BCO1: variants seen among roughly 807,000 people sequenced by gnomAD.
BCO1 encodes beta,beta-carotene 15,15'-dioxygenase.
BCO1 carries 54 observed loss-of-function variants against 56.3 expected under a neutral mutation model. The ratio of observed to expected loss-of-function variants is 0.96; its 90% CI spans 0.77 to 1.20. The LOEUF is 1.20. BCO1 is among the 50% of genes most tolerant of loss of function. The pLI is 0.00. For synonymous variants in BCO1, 318 were observed against 266.1 expected (o/e 1.20, Z -1.90); for missense variants, 801 against 690.9 (o/e 1.16, Z -1.79).
At chr16:81,281,048 C>A in intron 8 of BCO1, 86 bp downstream of exon 8, 1 of 966,364 alleles carries the variant, frequency 1.0e-6, no homozygotes, top group East Asian at 2.6e-5. Flanking sequence ...ATAATTCCCT[C>A]CTGTGCATGG....
chr16:81,290,657 C>A lies in BCO1; in HGVS notation c.*80C>A, dbSNP rs1005973963. On this transcript the variant is annotated 3_prime_UTR_variant, in exon 11 of 11. Transcript: ENST00000258168. Reference sequence around the variant, plus strand: ...ATGTTTCTTTGGATGGAGGGGAGGGCCTTTGTTACCTTTTGCACTTATTCT... The same window carrying A: ...ATGTTTCTTTGGATGGAGGGGAGGGACTTTGTTACCTTTTGCACTTATTCT... 8.7e-7 allele frequency: 1 copy of A among 1,145,894 alleles called. No individual in the cohort carries two copies. The highest frequency in any genetic ancestry group is 1.3e-6 in the Non-Finnish European group (1 of 781,034). The allele number at this position is 1,145,894 out of a possible 1,614,324, so 71.0% of individuals were successfully genotyped here. A position where few individuals can be genotyped will look rare whatever the true frequency, so the allele number is the denominator to read the frequency against.
At chr16:81,260,868 A>G (rs1405194898) in intron 3 of BCO1, among the ~76,000 whole-genome samples, 1 of 152,222 alleles carries the variant, frequency 6.6e-6, no homozygotes, top group Non-Finnish European at 1.5e-5. Context: ...CATATCTGAC[A>G]GTTAAATTCT....
chr16:81,283,127 T>TGTTC (rs1907976610), intron 8 of BCO1, among the ~76,000 whole-genome samples: 1 of 152,154 alleles, frequency 6.6e-6, no homozygotes, highest in Non-Finnish European at 1.5e-5. Flanking sequence ...TTCCATATCA[T>TGTTC]CTAGAATGTT....
Position 81,268,132 on chromosome 16 carries a change from G to A in BCO1, c.843+1G>A. 2 of 1,606,612 alleles carry A rather than the reference G, an allele frequency of 1.2e-6. No individual in the cohort carries two copies. Among genetic ancestry groups the A allele is most frequent in the Non-Finnish European group, 1.7e-6 (2 of 1,179,788 alleles). On this transcript the variant is annotated splice_donor_variant, in intron 6 of 10. Transcript: ENST00000258168. LOFTEE classifies it high-confidence loss of function. ...CCTGGCTTTCCACAGGGAGGAGAAG[G>A]TGAGGTCTGGCTGGACTCTAGCCCA...
At chr16:81,253,920 G>A (rs746905006) in intron 2 of BCO1, among the ~76,000 whole-genome samples, 3 of 152,092 alleles carry the variant, frequency 2.0e-5, no homozygotes, top group Admixed American at 6.6e-5. Context: ...CTGTAATTGC[G>A]CCACTGCCCT....
intron 2 of BCO1, among the ~76,000 whole-genome samples, chr16:81,249,541 C>A: frequency 6.6e-6 from 1 of 152,096 alleles, no homozygotes; most frequent in East Asian, 1.9e-4. Context: ...CAGGTGTGAG[C>A]CACTGTGCCC....
chr16:81,256,967 G>C (rs1292223645), intron 2 of BCO1, among the ~76,000 whole-genome samples: 1 of 151,506 alleles, frequency 6.6e-6, no homozygotes, highest in Admixed American at 6.6e-5. Context: ...TTTCACTCCT[G>C]TCCTCCAAAT....
intron 1 of BCO1, among the ~76,000 whole-genome samples, chr16:81,241,513 C>T (rs1010475776): frequency 6.6e-6 from 1 of 152,228 alleles, no homozygotes; most frequent in African/African-American, 2.4e-5. Context: ...GCAGCATAAG[C>T]ATCACCTGGG....
intron 2 of BCO1, among the ~76,000 whole-genome samples, chr16:81,257,756 G>A (rs1906234402): frequency 6.6e-6 from 1 of 151,584 alleles, no homozygotes; most frequent in Non-Finnish European, 1.5e-5. Flanking sequence ...GCACATGCCT[G>A]TAATACCAGC....
At position 81,259,722 on chromosome 16, in the gene BCO1, C is replaced by T. The variant is rs761828751; in HGVS notation, c.240C>T (p.Asn80=). 3 of 1,614,196 alleles carry T rather than the reference C, an allele frequency of 1.9e-6. No individual in the cohort carries two copies. Among genetic ancestry groups the T allele is most frequent in the South Asian group, 2.2e-5 (2 of 91,090 alleles). Residue 80 remains asparagine (N), a synonymous_variant, in exon 3 of 11, where the codon AAC becomes AAT. Transcript: ENST00000258168. Reference sequence around the variant, plus strand: ...AATACCTGAGAAGCGATACCTACAACACCAATATTGAGGCAAACAGGATTG... The same window carrying T: ...AATACCTGAGAAGCGATACCTACAATACCAATATTGAGGCAAACAGGATTG... ...RSKYLRSDTY[N]TNIEANRIVV...
At chr16:81,286,851 C>T (rs945946432) in intron 9 of BCO1, among the ~76,000 whole-genome samples, 9 of 151,172 alleles carry the variant, frequency 6.0e-5, no homozygotes, top group South Asian at 2.1e-4. Context: ...CTGAGGTGGG[C>T]GGATCACCTG....
chr16:81,256,927 T>C (rs1332729200), intron 2 of BCO1, among the ~76,000 whole-genome samples: 1 of 151,732 alleles, frequency 6.6e-6, no homozygotes, highest in Non-Finnish European at 1.5e-5. Context: ...GCAAACCTAG[T>C]AGGACCCCTC....
chr16:81,257,648 G>T (rs890420925), intron 2 of BCO1, among the ~76,000 whole-genome samples: 1 of 151,924 alleles, frequency 6.6e-6, no homozygotes, highest in South Asian at 2.1e-4. Flanking sequence ...GGCCGAGGCA[G>T]GTGGGTCTCC....
chr16:81,241,353 G>A (rs538459315), intron 1 of BCO1, among the ~76,000 whole-genome samples: 150 of 152,092 alleles, frequency 9.9e-4, no homozygotes, highest in Non-Finnish European at 1.5e-3. Flanking sequence ...CTACCTTTTC[G>A]TGCCCTGGAA....
rs962793298 is a variant in BCO1 at position 81,286,812 on chromosome 16, C to G, written c.1303-483C>G. Among the ~76,000 whole-genome samples the G allele has an allele frequency of 3.3e-5, 5 of 150,350 alleles. No individual in the cohort carries two copies. In the East Asian group the frequency reaches 9.9e-4, roughly 30 times the overall value. On this transcript the variant is annotated intron_variant, in intron 9 of 10. Coordinates refer to ENST00000258168, the MANE Select transcript of BCO1 (RefSeq NM_017429.3). ...GGGGAGGAGGCCGGGCGCGGTGGCTCACACCTGTAATCCCAGCATTCTGGG... is the reference window on the plus strand; with the variant it reads ...GGGGAGGAGGCCGGGCGCGGTGGCTGACACCTGTAATCCCAGCATTCTGGG...
In BCO1 at chr16:81,270,251, C is replaced by T; in HGVS notation, c.936C>T (p.Ala312=). 6.2e-7 allele frequency: 1 copy of T among 1,614,212 alleles called. No individual in the cohort carries two copies. Among genetic ancestry groups the T allele is most frequent in the Non-Finnish European group, 8.5e-7 (1 of 1,180,040 alleles). Residue 312 remains alanine (A), a synonymous_variant, in exon 7 of 11, where the codon GCC becomes GCT. Transcript: ENST00000258168. ...TGGTGGTCTTCCATCACGTCAACGC[C>T]TACGAAGAGGACGGCTGCATCGTGT... ...DAMVVFHHVN[A]YEEDGCIVFD... is the part of the protein sequence containing the mutation.
intron 7 of BCO1, among the ~76,000 whole-genome samples, chr16:81,277,042 G>C (rs2150634378): frequency 7.8e-6 from 1 of 128,366 alleles, no homozygotes; most frequent in East Asian, 2.5e-4. Flanking sequence ...ATTCCGCCTG[G>C]ATGACAGAGT....
At chr16:81,281,063 G>A (rs7501200) in intron 8 of BCO1, 101 bp downstream of exon 8, 3 of 829,664 alleles carry the variant, frequency 3.6e-6, no homozygotes, top group Admixed American at 2.1e-5. Flanking sequence ...GCATGGACAA[G>A]GGCCAAAAAG....
intron 3 of BCO1, among the ~76,000 whole-genome samples, chr16:81,260,433 C>T (rs972551432): frequency 1.3e-5 from 2 of 152,076 alleles, no homozygotes; most frequent in Non-Finnish European, 2.9e-5. Flanking sequence ...AAAGGATGCA[C>T]AGGGGCAGAT....
Sources: gnomAD v4.1 joint callset for allele counts (sites outside exome capture counted in the v4.1 genomes callset) on GRCh38, gnomAD v4.1.1 for gene constraint, MANE v1.5 for transcripts, NCBI Gene and HGNC (gene_info 2026-07-23, HGNC 2026-07-21) for gene names.